The following ZNF704 variants were observed in gnomAD, a reference collection of about 807,000 sequenced individuals.
The protein encoded by ZNF704 is glucocorticoid induced gene 1.
Under a neutral mutation model 44.7 loss-of-function variants are expected in ZNF704, and 10 were observed. That is an observed-to-expected ratio of 0.22 (90% CI 0.14 to 0.38). The LOEUF is 0.38. Among genes scored for constraint, ZNF704 ranks in the 10% least tolerant of loss-of-function variants. The pLI is 1.00. For missense variants in ZNF704, 390 were observed against 545.5 expected (o/e 0.71, Z 2.84); for synonymous variants, 211 against 207.6 (o/e 1.02, Z -0.14).
At chr8:80,819,027 A>G (rs1404492608) in intron 2 of ZNF704, among the ~76,000 whole-genome samples, 1 of 152,128 alleles carries the variant, frequency 6.6e-6, no homozygotes, top group African/African-American at 2.4e-5. Context: ...GGCACACTGT[A>G]TTTATGATGA....
At chr8:80,656,283 C>CA (rs1459074366) in intron 7 of ZNF704, among the ~76,000 whole-genome samples, 1 of 152,176 alleles carries the variant, frequency 6.6e-6, no homozygotes, top group Non-Finnish European at 1.5e-5. Flanking sequence ...AATTGGCCGA[C>CA]ACGTTGATTT....
chr8:80,731,091 T>A (rs1440552216), intron 2 of ZNF704, among the ~76,000 whole-genome samples: 1 of 152,198 alleles, frequency 6.6e-6, no homozygotes, highest in East Asian at 1.9e-4. Flanking sequence ...CAAATTGACA[T>A]TTGAAGCCAG....
At position 80,664,996 on chromosome 8, in the gene ZNF704, C is replaced by G. The variant is rs1463301913; in HGVS notation, c.746G>C (p.Gly249Ala). 1 of 1,614,182 alleles carries G rather than the reference C, an allele frequency of 6.2e-7. No homozygotes were observed. The highest frequency in any genetic ancestry group is 1.1e-5 in the South Asian group (1 of 91,082). Reference sequence around the variant, plus strand: ...TGAGACCGGGGCCAGGCTGCTCAGCCCGTCTGCCACTGAGTCTGTGTTGAG... The same window carrying G: ...TGAGACCGGGGCCAGGCTGCTCAGCGCGTCTGCCACTGAGTCTGTGTTGAG... ...IKLNTDSVAD[G>A]LSSLAPVSPS... The change falls in exon 6 of 9, where the codon GGG (glycine) becomes GCG (alanine). Residue 249 changes from glycine (G) to alanine (A), a missense_variant. Around this residue, in one of 3 missense-constraint regions of ZNF704, gnomAD observed 305 missense variants for 435.7 expected, o/e 0.70. Transcript: ENST00000327835.
Position 80,851,299 on chromosome 8 carries a change from T to C in ZNF704, c.-22+23272A>G, listed in dbSNP as rs546924437. Reference sequence around the variant, plus strand: ...ATGTTTATAGCAGCACTATTCACAATAGCAAAGACTTGGAACCAACCTAAA... The same window carrying C: ...ATGTTTATAGCAGCACTATTCACAACAGCAAAGACTTGGAACCAACCTAAA... On this transcript the variant is annotated intron_variant, in intron 1 of 8. Transcript: ENST00000327835. Among the ~76,000 whole-genome samples the C allele has an allele frequency of 5.9e-5, 9 of 152,192 alleles. No individual in the cohort carries two copies. The East Asian group carries it at 1.7e-3, about 29-fold the overall frequency.
chr8:80,693,124 G>A lies in ZNF704; in HGVS notation c.222-17C>T, dbSNP rs1174057305. 6 of 1,598,806 alleles carry A rather than the reference G, an allele frequency of 3.8e-6. No individual in the cohort carries two copies. Among genetic ancestry groups the A allele is most frequent in the Non-Finnish European group, 4.3e-6 (5 of 1,166,112 alleles). The stretch of plus-strand genomic sequence containing the variant: ...GAAGATTTCCTGTAAAACAGGAAGG[G>A]ACACTGGTGACTGTTCACTCTGCAT... On this transcript the variant is annotated splice_polypyrimidine_tract_variant and intron_variant, in intron 2 of 8. Transcript: ENST00000327835.
At chr8:80,729,254 G>A (rs981633408) in intron 2 of ZNF704, among the ~76,000 whole-genome samples, 1 of 152,122 alleles carries the variant, frequency 6.6e-6, no homozygotes, top group African/African-American at 2.4e-5. Context: ...CAAAATGAGT[G>A]GTTGGGTGGG....
chr8:80,783,761 T>G (rs938730258), intron 2 of ZNF704, among the ~76,000 whole-genome samples: 1 of 152,084 alleles, frequency 6.6e-6, no homozygotes, highest in Non-Finnish European at 1.5e-5. Context: ...AAGATCACAG[T>G]TTACACTAGG....
Position 80,742,702 on chromosome 8 carries a change from C to G in ZNF704, c.222-49595G>C, listed in dbSNP as rs79281318. ...CTAAGATCTACCGAGGACCCCTGGACCAGCCTGCTAGACCATGCTCCAATG... is the reference window on the plus strand; with the variant it reads ...CTAAGATCTACCGAGGACCCCTGGAGCAGCCTGCTAGACCATGCTCCAATG... On this transcript the variant is annotated intron_variant, in intron 2 of 8. Transcript: ENST00000327835. 3.0e-3 allele frequency among the ~76,000 whole-genome samples: 455 copies of G among 152,234 alleles called. 6 individuals carry two copies. The highest frequency in any genetic ancestry group is 0.011 in the African/African-American group (443 of 41,526).
At chr8:80,650,212 A>G (rs1229375521) in intron 7 of ZNF704, among the ~76,000 whole-genome samples, 2 of 122,802 alleles carry the variant, frequency 1.6e-5, no homozygotes, top group South Asian at 2.1e-4. Context: ...AAAGATGGGG[A>G]AAAAACAGCA....
chr8:80,711,113 T>C (rs1245241180), intron 2 of ZNF704, among the ~76,000 whole-genome samples: 1 of 152,212 alleles, frequency 6.6e-6, no homozygotes, highest in Non-Finnish European at 1.5e-5. Flanking sequence ...ATCTCAGGCC[T>C]AGGCTAACAT....
intron 2 of ZNF704, among the ~76,000 whole-genome samples, chr8:80,705,360 G>A (rs947055211): frequency 6.6e-6 from 1 of 150,418 alleles, no homozygotes; most frequent in Non-Finnish European, 1.5e-5. Flanking sequence ...CTGCACAGTT[G>A]TGTGTCGGGG....
rs1490141793 is a variant in ZNF704 at position 80,631,805 on chromosome 8, G to GA, written c.*9560dup. On this transcript the variant is annotated 3_prime_UTR_variant, in exon 9 of 9. Coordinates refer to ENST00000327835, the MANE Select transcript of ZNF704 (RefSeq NM_001033723.3). Reference sequence around the variant, plus strand: ...TTCAGACAGATGGAATATTTCCCCCGAAGGGAGGGAATAGCCACACTGACT... The same window carrying GA: ...TTCAGACAGATGGAATATTTCCCCCGAAAGGGAGGGAATAGCCACACTGACT... 1 of 152,198 alleles carries GA rather than the reference G, an allele frequency of 6.6e-6. No homozygotes were observed. Among genetic ancestry groups the GA allele is most frequent in the Admixed American group, 6.5e-5 (1 of 15,278 alleles). 9.4% of individuals were successfully genotyped at this position (152,198 alleles called of 1,614,324 possible).
rs186409831 is a variant in ZNF704, at chr8:80,770,980, T to G, written c.221+50394A>C. ...CCACCATTTGTTGTGAAAGATAACC[T>G]TTCTTGCACTGAGTTTCTTTTACAC... is the stretch of plus-strand genomic sequence containing the variant. On this transcript the variant is annotated intron_variant, in intron 2 of 8. Transcript: ENST00000327835. 1.6e-3 allele frequency among the ~76,000 whole-genome samples: 246 copies of G among 152,318 alleles called. 1 individual carries two copies. Among genetic ancestry groups the G allele is most frequent in the Non-Finnish European group, 3.0e-3 (203 of 68,010 alleles).
At chr8:80,701,649 T>A (rs560214197) in intron 2 of ZNF704, among the ~76,000 whole-genome samples, 1 of 151,920 alleles carries the variant, frequency 6.6e-6, no homozygotes, top group Non-Finnish European at 1.5e-5. Flanking sequence ...AGGAAAGAAA[T>A]GAGGAGAGGA....
At chr8:80,845,665 G>A (rs1200473577) in intron 1 of ZNF704, among the ~76,000 whole-genome samples, 2 of 152,162 alleles carry the variant, frequency 1.3e-5, no homozygotes, top group African/African-American at 2.4e-5. Flanking sequence ...AATAAAGTAT[G>A]ATTCTGAAGC....
At chr8:80,642,911 A>G in intron 8 of ZNF704, 124 bp downstream of exon 8, 1 of 546,634 alleles carries the variant, frequency 1.8e-6, no homozygotes, top group Non-Finnish European at 2.9e-6. Flanking sequence ...GAAAAAAAGA[A>G]AGGGTGTTTT....
At chr8:80,773,693 G>A (rs1009754503) in intron 2 of ZNF704, among the ~76,000 whole-genome samples, 5 of 152,130 alleles carry the variant, frequency 3.3e-5, no homozygotes, top group Non-Finnish European at 7.4e-5. Flanking sequence ...TATTTTCTCT[G>A]GGTATGAATG....
chr8:80,744,418 T>C (rs1806811927), intron 2 of ZNF704, among the ~76,000 whole-genome samples: 1 of 152,158 alleles, frequency 6.6e-6, no homozygotes, highest in Non-Finnish European at 1.5e-5. Context: ...CTCAATTACA[T>C]GAGAACACAA....
rs1167423282 is a variant in ZNF704 at position 80,629,386 on chromosome 8, G to T, written c.*11980C>A. On this transcript the variant is annotated 3_prime_UTR_variant, in exon 9 of 9. Coordinates refer to ENST00000327835, the MANE Select transcript of ZNF704 (RefSeq NM_001033723.3). Reference sequence around the variant, plus strand: ...AGCAAACAATCCAGTATAACCTTAAGTACCAGGTTTAGAAATGCGTGTTTT... The same window carrying T: ...AGCAAACAATCCAGTATAACCTTAATTACCAGGTTTAGAAATGCGTGTTTT... 4 of 152,142 alleles carry T rather than the reference G, an allele frequency of 2.6e-5. No individual in the cohort carries two copies. In the East Asian group the frequency reaches 7.7e-4, roughly 29 times the overall value. 9.4% of individuals were successfully genotyped at this position (152,142 alleles called of 1,614,324 possible).
Sources: allele counts gnomAD v4.1 joint callset (sites outside exome capture counted in the v4.1 genomes callset), GRCh38; gene constraint gnomAD v4.1.1; regional missense constraint gnomAD v4.1.1; transcripts MANE v1.5; gene names NCBI Gene and HGNC (gene_info 2026-07-23, HGNC 2026-07-21).